The following SLC8A1 variants were observed in gnomAD, a reference collection of about 807,000 sequenced individuals.
SLC8A1 encodes the protein sodium/calcium exchanger 1.
SLC8A1 carries 18 observed loss-of-function variants against 68.3 expected under a neutral mutation model. The observed-to-expected ratio is 0.26, with a 90% CI of 0.18 to 0.39. The LOEUF is 0.39. SLC8A1 is among the 10% of genes least tolerant of loss of function. The pLI, the probability that SLC8A1 is intolerant of heterozygous loss-of-function variation, is 1.00. For missense variants in SLC8A1, 985 were observed against 1,156.7 expected, an observed-to-expected ratio of 0.85 and a Z score of 2.15; for synonymous variants, 475 against 415.5, an observed-to-expected ratio of 1.14 and a Z score of -1.74.
chr2:40,316,065 G>A (rs2074406361), intron 2 of SLC8A1, among the ~76,000 whole-genome samples: 1 of 152,074 alleles, frequency 6.6e-6, no homozygotes, highest in Admixed American at 6.6e-5. Flanking sequence ...TGTTCCCCAA[G>A]AAGGACCTGA....
chr2:40,429,360 A>G (rs1697717748), exon 2 of SLC8A1: 1 of 1,613,854 alleles, frequency 6.2e-7, no homozygotes, highest in Non-Finnish European at 8.5e-7. Context: ...CCAGAACCAG[A>G]GCACCATCTA....
At chr2:40,270,934 C>T (rs1257601054) in intron 2 of SLC8A1, among the ~76,000 whole-genome samples, 2 of 152,120 alleles carry the variant, frequency 1.3e-5, no homozygotes, top group Non-Finnish European at 2.9e-5. Flanking sequence ...TCCTAACGCC[C>T]TCTTTCATTT....
intron 2 of SLC8A1, among the ~76,000 whole-genome samples, chr2:40,259,942 T>C (rs943067414): frequency 7.9e-5 from 12 of 152,192 alleles, no homozygotes; most frequent in Non-Finnish European, 1.6e-4. Flanking sequence ...TTAGGATATT[T>C]TTCAACCATC....
chr2:40,327,603 C>T (rs1042792276), intron 2 of SLC8A1, among the ~76,000 whole-genome samples: 22 of 152,144 alleles, frequency 1.4e-4, no homozygotes, highest in African/African-American at 5.1e-4. Context: ...ATGTTCTTTG[C>T]AGCAACATGG....
At chr2:40,189,936 C>T (rs2051446560) in intron 2 of SLC8A1, 1 of 152,072 alleles carries the variant, frequency 6.6e-6, no homozygotes, top group African/African-American at 2.4e-5. Context: ...AAGTTCTTGT[C>T]TGAATTCTGC....
intron 2 of SLC8A1, among the ~76,000 whole-genome samples, chr2:40,366,210 C>G (rs1221176494): frequency 1.3e-5 from 2 of 151,968 alleles, no homozygotes; most frequent in Non-Finnish European, 2.9e-5. Flanking sequence ...GTACTTAGAA[C>G]AACATATAGT....
At chr2:40,372,508 A>G (rs575804472) in intron 2 of SLC8A1, among the ~76,000 whole-genome samples, 12 of 152,212 alleles carry the variant, frequency 7.9e-5, no homozygotes, top group Admixed American at 4.6e-4. Flanking sequence ...AACATCAAAA[A>G]CAACTGGATT....
At chr2:40,511,056 GT>G (rs1454964013) in intron 1 of SLC8A1, among the ~76,000 whole-genome samples, 2 of 152,042 alleles carry the variant, frequency 1.3e-5, no homozygotes, top group Non-Finnish European at 2.9e-5. Context: ...ATTACAAATT[GT>G]TTTTATTTTC....
intron 2 of SLC8A1, among the ~76,000 whole-genome samples, chr2:40,233,912 T>C (rs1315581012): frequency 2.0e-5 from 3 of 151,732 alleles, no homozygotes; most frequent in Admixed American, 6.6e-5. Flanking sequence ...GTTGTAGATA[T>C]GCGGCATTAT....
At chr2:40,298,710 A>G (rs967166842) in intron 2 of SLC8A1, among the ~76,000 whole-genome samples, 1 of 152,216 alleles carries the variant, frequency 6.6e-6, no homozygotes, top group Non-Finnish European at 1.5e-5. Context: ...TACGTGCTGT[A>G]AGGATGACAT....
chr2:40,305,777 C>A (rs886699757), intron 2 of SLC8A1, among the ~76,000 whole-genome samples: 3 of 152,128 alleles, frequency 2.0e-5, no homozygotes, highest in Middle Eastern at 6.3e-3. Context: ...AAAGAAGCCT[C>A]CTTATTTTTT....
At chr2:40,269,090 T>C (rs1397329975) in intron 2 of SLC8A1, among the ~76,000 whole-genome samples, 2 of 152,206 alleles carry the variant, frequency 1.3e-5, no homozygotes, top group East Asian at 1.9e-4. Context: ...TCAGATAATC[T>C]GGTGTTAAAA....
Position 40,270,108 on chromosome 2 carries a change from G to A in SLC8A1, c.1809-92253C>T, listed in dbSNP as rs1335000289. ...TCATGTAAGCTATGCTATCCCTGAGGCATAAGGAAGGGCATAAAGCCCCAG... is the reference window on the plus strand; with the variant it reads ...TCATGTAAGCTATGCTATCCCTGAGACATAAGGAAGGGCATAAAGCCCCAG... On this transcript the variant is annotated intron_variant, in intron 2 of 7. Transcript: ENST00000406785. Among the ~76,000 whole-genome samples, 6 of 152,294 alleles carry A rather than the reference G, an allele frequency of 3.9e-5. No homozygotes were observed. The East Asian group carries it at 1.2e-3, about 29-fold the overall frequency.
intron 4 of SLC8A1, among the ~76,000 whole-genome samples, chr2:40,172,026 C>T (rs762004365): frequency 6.6e-6 from 1 of 152,340 alleles, no homozygotes; most frequent in Admixed American, 6.5e-5. Context: ...TTTTCACACT[C>T]AGCTGCGCAA....
At chr2:40,307,830 G>A (rs925337886) in intron 2 of SLC8A1, among the ~76,000 whole-genome samples, 1 of 152,138 alleles carries the variant, frequency 6.6e-6, no homozygotes, top group African/African-American at 2.4e-5. Flanking sequence ...GGGGGAAATG[G>A]ATAGTTAGTA....
intron 2 of SLC8A1, among the ~76,000 whole-genome samples, chr2:40,413,107 T>A (rs1034332079): frequency 1.3e-5 from 2 of 152,060 alleles, no homozygotes; most frequent in African/African-American, 4.8e-5. Flanking sequence ...AAACAACAGG[T>A]GCTGGAGAGG....
chr2:40,340,763 G>A (rs2149406406), intron 2 of SLC8A1, among the ~76,000 whole-genome samples: 1 of 152,266 alleles, frequency 6.6e-6, no homozygotes, highest in Admixed American at 6.5e-5. Flanking sequence ...TGAAAGCTGG[G>A]TGTGAGAGTA....
At chr2:40,274,233 G>A (rs1048349223) in intron 2 of SLC8A1, among the ~76,000 whole-genome samples, 1 of 148,868 alleles carries the variant, frequency 6.7e-6, no homozygotes, top group African/African-American at 2.5e-5. Context: ...TTCTACCAAG[G>A]AAACCTGGGT....
At chr2:40,101,183 G>T (rs2033869547) in exon 8 of SLC8A1, 1 of 152,050 alleles carries the variant, frequency 6.6e-6, no homozygotes. Context: ...TCAAATGAGA[G>T]ACCCTAGAAA....
Sources: allele counts gnomAD v4.1 joint callset (sites outside exome capture counted in the v4.1 genomes callset), GRCh38; gene constraint gnomAD v4.1.1; transcripts MANE v1.5; gene names NCBI Gene and HGNC (gene_info 2026-07-23, HGNC 2026-07-21).